Variants in KCNK2 observed in about 807,000 individuals in gnomAD.
KCNK2 encodes the protein potassium channel subfamily K member 2.
In KCNK2, 21 loss-of-function variants were observed where a neutral mutation model predicts 40.5. The ratio of observed to expected loss-of-function variants is 0.52; its 90% CI spans 0.37 to 0.75. The LOEUF (loss-of-function observed/expected upper bound fraction) is 0.75, where lower values mean the gene tolerates loss of function less well. Among genes scored for constraint, KCNK2 ranks in the 30% least tolerant of loss-of-function variants. The probability of loss-of-function intolerance (pLI) is 0.00; values close to 1 mark genes in which losing one functional copy is unlikely to be tolerated. For synonymous variants in KCNK2, 191 were observed against 202.2 expected (o/e 0.94, Z 0.47); for missense variants, 399 against 531.6 (o/e 0.75, Z 2.45).
At chr1:215,161,818 G>C (rs751501002) in intron 3 of KCNK2, among the ~76,000 whole-genome samples, 1 of 152,154 alleles carries the variant, frequency 6.6e-6, no homozygotes, top group Non-Finnish European at 1.5e-5. Context: ...TCTTAATCCA[G>C]TTTGTCATTG....
rs1398746959 is a variant in KCNK2 at position 215,007,185 on chromosome 1, G to GTGTGTA, written c.34+1231_34+1232insGTGTAT. Reference sequence around the variant, plus strand: ...TGTATATATATATGTATGTGTGTGGGTATATATATATATATATATATATAT... The same window carrying GTGTGTA: ...TGTATATATATATGTATGTGTGTGGGTGTGTATATATATATATATATATATATATAT... On this transcript the variant is annotated intron_variant, in intron 1 of 6. Coordinates refer to the KCNK2 transcript ENST00000391895. Among the ~76,000 whole-genome samples the GTGTGTA allele has an allele frequency of 1.6e-4, 5 of 31,026 alleles. 1 individual carries two copies. The highest frequency in any genetic ancestry group is 6.1e-4 in the African/African-American group (5 of 8,144). 20.4% of individuals were successfully genotyped at this position (31,026 alleles called of 152,430 possible).
chr1:215,028,091 T>G (rs1012112456), intron 1 of KCNK2, among the ~76,000 whole-genome samples: 2 of 152,158 alleles, frequency 1.3e-5, no homozygotes, highest in Non-Finnish European at 1.5e-5. Flanking sequence ...TTAATGTTCT[T>G]TAAAAATAGC....
At chr1:215,153,793 C>T (rs1463529378) in intron 3 of KCNK2, among the ~76,000 whole-genome samples, 2 of 151,870 alleles carry the variant, frequency 1.3e-5, no homozygotes, top group Admixed American at 6.6e-5. Flanking sequence ...TTCCCCTCCC[C>T]GTGTCCATGT....
intron 2 of KCNK2, among the ~76,000 whole-genome samples, chr1:215,091,461 A>G (rs1350318899): frequency 6.6e-6 from 1 of 152,204 alleles, no homozygotes; most frequent in Non-Finnish European, 1.5e-5. Flanking sequence ...TCTCTAGAAT[A>G]CCAGTGATAG....
chr1:215,129,428 T>G (rs2079621761), intron 3 of KCNK2, among the ~76,000 whole-genome samples: 1 of 152,110 alleles, frequency 6.6e-6, no homozygotes, highest in African/African-American at 2.4e-5. Context: ...CCATGAATGA[T>G]TGCAATAAAT....
At chr1:215,049,345 G>C (rs908912185) in intron 1 of KCNK2, among the ~76,000 whole-genome samples, 1 of 152,086 alleles carries the variant, frequency 6.6e-6, no homozygotes, top group Admixed American at 6.6e-5. Flanking sequence ...TTTCTATCAA[G>C]ATTTTGTTTA....
At chr1:215,126,249 C>T in intron 3 of KCNK2, among the ~76,000 whole-genome samples, 1 of 152,118 alleles carries the variant, frequency 6.6e-6, no homozygotes, top group Non-Finnish European at 1.5e-5. Context: ...CGCTGGATCA[C>T]ATGCCAGCAA....
At chr1:215,032,640 T>C (rs1657243904) in intron 1 of KCNK2, among the ~76,000 whole-genome samples, 1 of 152,158 alleles carries the variant, frequency 6.6e-6, no homozygotes, top group Admixed American at 6.5e-5. Flanking sequence ...GAAGGATAAT[T>C]TCCCAGCGTA....
chr1:215,222,969 T>A (rs1268249128), intron 6 of KCNK2, among the ~76,000 whole-genome samples: 1 of 152,088 alleles, frequency 6.6e-6, no homozygotes, highest in Non-Finnish European at 1.5e-5. Context: ...ATATTTAACT[T>A]TCTTCAAAGC....
chr1:215,203,593 T>C (rs7522552), intron 6 of KCNK2, among the ~76,000 whole-genome samples: 66,141 of 151,710 alleles, frequency 0.44, 17,903 homozygotes, highest in East Asian at 0.6. Flanking sequence ...TGAGTGCTTA[T>C]AGGTCTAAAC....
Position 215,083,024 on chromosome 1 carries a change from C to G in KCNK2, c.-362C>G. 6.4e-6 allele frequency: 1 copy of G among 155,970 alleles called. No homozygotes were observed. Among genetic ancestry groups the G allele is most frequent in the Non-Finnish European group, 1.4e-5 (1 of 73,954 alleles). 9.7% of individuals were successfully genotyped at this position (155,970 alleles called of 1,614,324 possible). The stretch of plus-strand genomic sequence containing the variant: ...CGCGTGGCGGCGGCGGCGGCGGCGG[C>G]GGCGGCGGGCAGGCGCGGGACCCGG... On this transcript the variant is annotated 5_prime_UTR_variant, in exon 1 of 7. Coordinates refer to ENST00000444842, the MANE Select transcript of KCNK2 (RefSeq NM_001017425.3).
chr1:215,089,387 G>T (rs901802539), intron 2 of KCNK2, among the ~76,000 whole-genome samples: 1 of 152,132 alleles, frequency 6.6e-6, no homozygotes, highest in Non-Finnish European at 1.5e-5. Flanking sequence ...AAGAAATTCT[G>T]CTACATATTA....
chr1:215,206,232 T>C (rs1665310381), intron 6 of KCNK2, among the ~76,000 whole-genome samples: 1 of 152,136 alleles, frequency 6.6e-6, no homozygotes, highest in African/African-American at 2.4e-5. Context: ...TAAGAAGAAA[T>C]ATTGAACTGA....
At chr1:215,230,507 GTA>G (rs201898524) in intron 6 of KCNK2, among the ~76,000 whole-genome samples, 869 of 65,556 alleles carry the variant, frequency 0.013, 22 homozygotes, top group African/African-American at 0.055. Flanking sequence ...ACACACGGCT[GTA>G]TATATATATA....
At chr1:215,066,565 TG>T (rs1658551257) in intron 1 of KCNK2, among the ~76,000 whole-genome samples, 2 of 152,162 alleles carry the variant, frequency 1.3e-5, no homozygotes, top group Non-Finnish European at 2.9e-5. Flanking sequence ...GGGCTGTTTT[TG>T]GTGTGGCTCT....
intron 1 of KCNK2, among the ~76,000 whole-genome samples, chr1:215,062,212 A>G (rs1249574800): frequency 1.3e-5 from 2 of 152,160 alleles, no homozygotes; most frequent in East Asian, 1.9e-4. Context: ...AATAAAAAAC[A>G]TTATACTGGA....
intron 1 of KCNK2, among the ~76,000 whole-genome samples, chr1:215,057,209 T>C (rs1658199100): frequency 6.6e-6 from 1 of 152,262 alleles, no homozygotes; most frequent in South Asian, 2.1e-4. Context: ...ATTTTTTTTT[T>C]TTTTTTGGAG....
intron 1 of KCNK2, among the ~76,000 whole-genome samples, chr1:215,047,758 A>G (rs778282900): frequency 1.3e-5 from 2 of 152,162 alleles, no homozygotes; most frequent in African/African-American, 2.4e-5. Context: ...TATCTTGCAC[A>G]TCTAATCAAT....
chr1:215,212,110 C>T (rs1005238645), intron 6 of KCNK2, among the ~76,000 whole-genome samples: 2 of 152,032 alleles, frequency 1.3e-5, no homozygotes, highest in African/African-American at 4.8e-5. Context: ...TTTGATGTAT[C>T]AAACAAGAAG....
Sources: allele counts gnomAD v4.1 joint callset (sites outside exome capture counted in the v4.1 genomes callset), GRCh38; gene constraint gnomAD v4.1.1; transcripts MANE v1.5; gene names NCBI Gene and HGNC (gene_info 2026-07-23, HGNC 2026-07-21).